PCDHGA7: variants seen among roughly 807,000 people sequenced by gnomAD.
PCDHGA7 encodes the protein protocadherin gamma-A7.
A neutral mutation model predicts 58.3 loss-of-function variants in PCDHGA7; 44 were observed. The observed-to-expected ratio is 0.75, with a 90% CI of 0.59 to 0.97. The LOEUF (loss-of-function observed/expected upper bound fraction) is 0.97, where lower values mean the gene tolerates loss of function less well. Among genes scored for constraint, PCDHGA7 ranks in the 50% least tolerant of loss-of-function variants. PCDHGA7 has a pLI of 0.00. For synonymous variants in PCDHGA7, 516 were observed against 504.2 expected (o/e 1.02, Z -0.31); for missense variants, 1,266 against 1,188.7 (o/e 1.06, Z -0.96).
Position 141,383,308 on chromosome 5 carries a change from G to A in PCDHGA7, c.409G>A (p.Glu137Lys). 6.2e-7 allele frequency: 1 copy of A among 1,613,976 alleles called. No individual in the cohort carries two copies. Among genetic ancestry groups the A allele is most frequent in the Non-Finnish European group, 8.5e-7 (1 of 1,179,894 alleles). Residue 137 changes from glutamate (E) to lysine (K), a missense_variant, in exon 1 of 4, where the codon GAA becomes AAA. Coordinates refer to ENST00000518325, the MANE Select transcript of PCDHGA7 (RefSeq NM_018920.4). ...NDNVPRFLTE[E>K]INVKIMENTA... The stretch of plus-strand genomic sequence containing the variant: ...CAACGTTCCAAGATTCTTGACGGAA[G>A]AAATAAATGTAAAAATAATGGAGAA...
Position 141,477,685 on chromosome 5 carries a change from G to A in PCDHGA7, c.2425-17122G>A, listed in dbSNP as rs1218415502. ...ACAATGGCATAGTGTCATCCTTAGT[G>A]CCCCTAGACTATGAGGATCGGCGGG... On this transcript the variant is annotated intron_variant, in intron 1 of 3. Transcript: ENST00000518325. This position sits in a 1 kb window ranked among gnomAD's most constrained non-coding sequence, Gnocchi z 4.9. The A allele has an allele frequency of 6.2e-7, 1 of 1,614,116 alleles. No individual in the cohort carries two copies. The highest frequency in any genetic ancestry group is 8.5e-7 in the Non-Finnish European group (1 of 1,180,040).
chr5:141,467,710 G>A (rs1284029664), intron 1 of PCDHGA7, among the ~76,000 whole-genome samples: 1 of 152,122 alleles, frequency 6.6e-6, no homozygotes, highest in Non-Finnish European at 1.5e-5. Context: ...TGCCCAGGCT[G>A]GAGTGTAGTG....
At chr5:141,414,283 G>T in intron 1 of PCDHGA7, 1 of 1,613,520 alleles carries the variant, frequency 6.2e-7, no homozygotes, top group Non-Finnish European at 8.5e-7. Flanking sequence ...GGGAACAGTC[G>T]TAGCCCTTTT....
In PCDHGA7 at chr5:141,477,362, G is replaced by T. The variant is rs920445601; in HGVS notation, c.2425-17445G>T. 6.2e-7 allele frequency: 1 copy of T among 1,614,142 alleles called. No individual in the cohort carries two copies. The highest frequency in any genetic ancestry group is 1.3e-5 in the African/African-American group (1 of 75,022). On this transcript the variant is annotated intron_variant, in intron 1 of 3. Coordinates refer to ENST00000518325, the MANE Select transcript of PCDHGA7 (RefSeq NM_018920.4). The surrounding 1 kb of genome is among the most constrained non-coding windows in gnomAD (Gnocchi z 4.9). ...CACTTTGAAAACCAGTGCAGACCTG[G>T]ATCGGGAGACTGTGCCAGAATACAA...
At position 141,487,289 on chromosome 5, in the gene PCDHGA7, G is replaced by T; in HGVS notation, c.2425-7518G>T. 6.2e-7 allele frequency: 1 copy of T among 1,614,096 alleles called. No individual in the cohort carries two copies. The highest frequency in any genetic ancestry group is 8.5e-7 in the Non-Finnish European group (1 of 1,180,024). On this transcript the variant is annotated intron_variant, in intron 1 of 3. Coordinates refer to ENST00000518325, the MANE Select transcript of PCDHGA7 (RefSeq NM_018920.4). The surrounding 1 kb of genome is among the most constrained non-coding windows in gnomAD (Gnocchi z 5.0). Reference sequence around the variant, plus strand: ...AGTGGCAATTTGCTTTGTCTCCTTTGGCTCATTCGTGGCACTACTCTCTAA... The same window carrying T: ...AGTGGCAATTTGCTTTGTCTCCTTTTGCTCATTCGTGGCACTACTCTCTAA...
intron 1 of PCDHGA7, chr5:141,478,227 G>A: frequency 6.2e-7 from 1 of 1,614,104 alleles, no homozygotes; most frequent in Non-Finnish European, 8.5e-7. Context: ...GTTTCTGTGG[G>A]GTTTGTGGTC....
rs925034052 is a variant in PCDHGA7, at chr5:141,486,630, T to G, written c.2425-8177T>G. 2 of 1,613,690 alleles carry G rather than the reference T, an allele frequency of 1.2e-6. No individual in the cohort carries two copies. Among genetic ancestry groups the G allele is most frequent in the Non-Finnish European group, 1.7e-6 (2 of 1,180,028 alleles). ...GCAGCCTCTGACCCAGACTCTGGCTTGAATGCGCTTATCTCCTACTCACTC... is the reference window on the plus strand; with the variant it reads ...GCAGCCTCTGACCCAGACTCTGGCTGGAATGCGCTTATCTCCTACTCACTC... On this transcript the variant is annotated intron_variant, in intron 1 of 3. Coordinates refer to ENST00000518325, the MANE Select transcript of PCDHGA7 (RefSeq NM_018920.4). This position sits in a 1 kb window ranked among gnomAD's most constrained non-coding sequence, Gnocchi z 5.0.
chr5:141,473,186 T>C (rs984810414), intron 1 of PCDHGA7, among the ~76,000 whole-genome samples: 1 of 152,134 alleles, frequency 6.6e-6, no homozygotes, highest in African/African-American at 2.4e-5. Flanking sequence ...CTTGAAGGAG[T>C]AAATGTATCT....
At chr5:141,401,734 G>T (rs2094188545) in intron 1 of PCDHGA7, among the ~76,000 whole-genome samples, 1 of 152,166 alleles carries the variant, frequency 6.6e-6, no homozygotes, top group Non-Finnish European at 1.5e-5. Context: ...CTAGTCTTGT[G>T]TACATACAAA....
chr5:141,468,049 G>C (rs2099156671), intron 1 of PCDHGA7, among the ~76,000 whole-genome samples: 1 of 152,068 alleles, frequency 6.6e-6, no homozygotes, highest in African/African-American at 2.4e-5. Context: ...ACTAAGCCGG[G>C]CACAGTGGCT....
At position 141,383,124 on chromosome 5, in the gene PCDHGA7, C is replaced by G. The variant is rs1245604127; in HGVS notation, c.225C>G (p.Phe75Leu). ...RIISRGRTQL[F>L]ALNQRSGSLV... ...TCTCCAGAGGTAGGACGCAGCTTTT[C>G]GCCCTGAACCAGCGCAGCGGCAGCT... The change falls in exon 1 of 4, where the codon TTC becomes TTG. Residue 75 changes from phenylalanine (F) to leucine (L), a missense_variant. By Grantham distance (22) the Phe-to-Leu change is conservative (BLOSUM62 0). Transcript: ENST00000518325. The G allele has an allele frequency of 1.9e-6, 3 of 1,613,930 alleles. No individual in the cohort carries two copies. The highest frequency in any genetic ancestry group is 2.5e-6 in the Non-Finnish European group (3 of 1,179,978).
rs530404769 is a variant in PCDHGA7, at chr5:141,423,267, G to C, written c.2424+37944G>C. On this transcript the variant is annotated intron_variant, in intron 1 of 3. Coordinates refer to ENST00000518325, the MANE Select transcript of PCDHGA7 (RefSeq NM_018920.4). ...TCCTGGCGGACCTCGGCAGCCTCGA[G>C]TCTCTGGCTAACTCTGAAACCTCAG... The C allele has an allele frequency of 2.5e-6, 4 of 1,613,710 alleles. No individual in the cohort carries two copies. In the South Asian group the frequency reaches 4.4e-5, roughly 18 times the overall value.
chr5:141,440,902 G>C (rs138147244), intron 1 of PCDHGA7: 1 of 152,110 alleles, frequency 6.6e-6, no homozygotes, highest in Admixed American at 6.6e-5. Context: ...ATGTGCATCC[G>C]GGCACTCCTG....
Position 141,486,595 on chromosome 5 carries a change from T to G in PCDHGA7, c.2425-8212T>G. ...AGAACAATCGCCCAGGGGACCTGCTTTGCTCCCTTGCAGCCTCTGACCCAG... is the reference window on the plus strand; with the variant it reads ...AGAACAATCGCCCAGGGGACCTGCTGTGCTCCCTTGCAGCCTCTGACCCAG... On this transcript the variant is annotated intron_variant, in intron 1 of 3. Coordinates refer to ENST00000518325, the MANE Select transcript of PCDHGA7 (RefSeq NM_018920.4). This position sits in a 1 kb window ranked among gnomAD's most constrained non-coding sequence, Gnocchi z 5.0. The G allele has an allele frequency of 6.2e-7, 1 of 1,613,614 alleles. No homozygotes were observed. Among genetic ancestry groups the G allele is most frequent in the Non-Finnish European group, 8.5e-7 (1 of 1,180,016 alleles).
Position 141,409,742 on chromosome 5 carries a change from G to A in PCDHGA7, c.2424+24419G>A, listed in dbSNP as rs763304955. On this transcript the variant is annotated intron_variant, in intron 1 of 3. Coordinates refer to ENST00000518325, the MANE Select transcript of PCDHGA7 (RefSeq NM_018920.4). Reference sequence around the variant, plus strand: ...GTCAGTGAGCGCGCAGAGCGGGGTGGTGTTCGCGCAGCGCGCCTTTGATCA... The same window carrying A: ...GTCAGTGAGCGCGCAGAGCGGGGTGATGTTCGCGCAGCGCGCCTTTGATCA... 4.3e-6 allele frequency: 7 copies of A among 1,612,986 alleles called. No individual in the cohort carries two copies. In the South Asian group the frequency reaches 5.5e-5, roughly 13 times the overall value.
intron 1 of PCDHGA7, among the ~76,000 whole-genome samples, chr5:141,465,319 T>A (rs184635197): frequency 4.6e-5 from 7 of 152,324 alleles, no homozygotes; most frequent in Admixed American, 1.3e-4. Flanking sequence ...GCCATGTCAA[T>A]GCAGTATTTT....
chr5:141,395,245 T>G (rs1347101527), intron 1 of PCDHGA7: 1 of 1,571,252 alleles, frequency 6.4e-7, no homozygotes, highest in Admixed American at 1.9e-5. Context: ...CAGGTGAGTT[T>G]AGTTCTTTGC....
At position 141,385,191 on chromosome 5, in the gene PCDHGA7, G is replaced by A. The variant is rs775228510; in HGVS notation, c.2292G>A (p.Arg764=). The part of the protein sequence containing the change: ...SHEVSLTADS[R]KSHLIFPQPN... ...AGGTCTCCCTCACCGCGGACTCTCG[G>A]AAGAGTCACCTGATCTTCCCCCAGC... Residue 764 remains arginine, a synonymous_variant, in exon 1 of 4, where the codon CGG becomes CGA. Coordinates refer to ENST00000518325, the MANE Select transcript of PCDHGA7 (RefSeq NM_018920.4). The A allele has an allele frequency of 6.2e-7, 1 of 1,614,086 alleles. No individual in the cohort carries two copies. The highest frequency in any genetic ancestry group is 1.3e-5 in the African/African-American group (1 of 74,936).
chr5:141,413,150 T>C, intron 1 of PCDHGA7: 1 of 1,573,292 alleles, frequency 6.4e-7, no homozygotes. Context: ...AGTGAGGACT[T>C]TGCAGAATTC....
Sources: gnomAD v4.1 joint callset for allele counts (sites outside exome capture counted in the v4.1 genomes callset) on GRCh38, gnomAD v4.1.1 for gene constraint, Gnocchi (gnomAD v3.1) non-coding constraint, MANE v1.5 for transcripts, NCBI Gene and HGNC (gene_info 2026-07-23, HGNC 2026-07-21) for gene names.